PDE8A: variants seen among roughly 807,000 people sequenced by gnomAD.
PDE8A encodes phosphodiesterase 8A, also known as high affinity cAMP-specific and IBMX-insensitive 3',5'-cyclic phosphodiesterase 8A.
In PDE8A, 59 loss-of-function variants were observed where a neutral mutation model predicts 105.0. The ratio of observed to expected loss-of-function variants is 0.56; its 90% CI spans 0.46 to 0.70. PDE8A has a LOEUF of 0.70. Among genes scored for constraint, PDE8A ranks in the 30% least tolerant of loss-of-function variants. PDE8A has a pLI of 0.00. For missense variants in PDE8A, 1,014 were observed against 1,045.9 expected (o/e 0.97, Z 0.42); for synonymous variants, 355 against 371.9 (o/e 0.95, Z 0.52).
At chr15:85,126,634 C>T (rs1461666976) in intron 20 of PDE8A, among the ~76,000 whole-genome samples, 1 of 151,604 alleles carries the variant, frequency 6.6e-6, no homozygotes, top group Non-Finnish European at 1.5e-5. Flanking sequence ...TTTAAGGAGT[C>T]ATCTGGTCTT....
intron 15 of PDE8A, 30 bp downstream of exon 15, chr15:85,115,517 CA>C (rs763989994): frequency 2.5e-6 from 3 of 1,201,700 alleles, no homozygotes; most frequent in Non-Finnish European, 1.2e-6. Context: ...TTTCTTAGAT[CA>C]CTGTCTATAA....
In PDE8A at chr15:84,987,423, G is replaced by C. The variant is rs1218974687; in HGVS notation, c.186+5075G>C. Among the ~76,000 whole-genome samples the C allele has an allele frequency of 2.1e-5, 3 of 144,756 alleles. No homozygotes were observed. In the East Asian group the frequency reaches 6.2e-4, roughly 30 times the overall value. 95.0% of individuals were successfully genotyped at this position (144,756 alleles called of 152,430 possible). A position where few individuals can be genotyped will look rare whatever the true frequency, so the allele number is the denominator to read the frequency against. ...AAATGTTTCCTGTGAAGTGGCTTAT[G>C]ACTGGTTTTCCCTTGGATAGCTTAC... On this transcript the variant is annotated intron_variant, in intron 1 of 21. Coordinates refer to ENST00000394553, the MANE Select transcript of PDE8A (RefSeq NM_002605.3).
intron 5 of PDE8A, 88 bp downstream of exon 5, chr15:85,076,875 T>A: frequency 1.1e-6 from 1 of 918,768 alleles, no homozygotes; most frequent in Non-Finnish European, 1.8e-6. Context: ...AGCTTTGTAT[T>A]AATTTGAAGA....
At chr15:85,011,884 G>A (rs1286272549) in intron 1 of PDE8A, among the ~76,000 whole-genome samples, 19 of 152,146 alleles carry the variant, frequency 1.2e-4, no homozygotes, top group South Asian at 4.2e-4. Context: ...AAAAGTGGGC[G>A]AAGGACATGA....
intron 1 of PDE8A, among the ~76,000 whole-genome samples, chr15:85,003,480 C>G (rs567108947): frequency 9.2e-5 from 14 of 152,292 alleles, no homozygotes; most frequent in African/African-American, 3.4e-4. Flanking sequence ...AGGATAGTTG[C>G]AATGAGGGGG....
chr15:85,009,110 A>AGAGTGTGT (rs1246239884), intron 1 of PDE8A, among the ~76,000 whole-genome samples: 7 of 64,202 alleles, frequency 1.1e-4, no homozygotes, highest in African/African-American at 3.2e-4. Flanking sequence ...AGAGAGAGAG[A>AGAGTGTGT]GTGTGTGTGT....
chr15:85,098,655 A>G (rs951177723), intron 9 of PDE8A, among the ~76,000 whole-genome samples: 1 of 152,188 alleles, frequency 6.6e-6, no homozygotes, highest in South Asian at 2.1e-4. Context: ...ATGAGGGCCA[A>G]AAAAAGTAGA....
At position 85,062,470 on chromosome 15, in the gene PDE8A, G is replaced by A. The variant is rs2081161769; in HGVS notation, c.187-1900G>A. 9 of 152,350 alleles carry A rather than the reference G, an allele frequency of 5.9e-5. No homozygotes were observed. In the South Asian group the frequency reaches 1.7e-3, roughly 28 times the overall value. 9.4% of individuals were successfully genotyped at this position (152,350 alleles called of 1,614,324 possible). A position where few individuals can be genotyped will look rare whatever the true frequency, so the allele number is the denominator to read the frequency against. On this transcript the variant is annotated intron_variant, in intron 1 of 21. Transcript: ENST00000394553. ...ATAAAAGAGAAAAATGAAAGGAGAG[G>A]AAGGGCACTAGCCCTTTAAATCTCC...
At chr15:85,076,000 A>G (rs1252736065) in intron 4 of PDE8A, 82 bp downstream of exon 4, 4 of 755,140 alleles carry the variant, frequency 5.3e-6, no homozygotes, top group East Asian at 2.6e-5. Context: ...AACAGCTTGC[A>G]TGCTGTGTCA....
At chr15:85,040,757 C>T (rs1038366864) in intron 1 of PDE8A, among the ~76,000 whole-genome samples, 1 of 151,926 alleles carries the variant, frequency 6.6e-6, no homozygotes, top group African/African-American at 2.4e-5. Flanking sequence ...GACAGGGTTT[C>T]ACCGTGTTAG....
intron 1 of PDE8A, among the ~76,000 whole-genome samples, chr15:84,998,854 T>C (rs576290703): frequency 7.2e-5 from 11 of 152,290 alleles, no homozygotes; most frequent in Middle Eastern, 3.4e-3. Context: ...GCCAGCAGTA[T>C]TTTCAAAAGG....
intron 17 of PDE8A, 142 bp downstream of exon 17, chr15:85,117,981 G>T: frequency 2.8e-6 from 2 of 713,632 alleles, no homozygotes; most frequent in South Asian, 3.2e-5. Context: ...GAGGAATCAG[G>T]CAGGAGGCCA....
chr15:85,033,411 C>T (rs769625788), intron 1 of PDE8A, among the ~76,000 whole-genome samples: 3 of 152,134 alleles, frequency 2.0e-5, no homozygotes, highest in Non-Finnish European at 4.4e-5. Flanking sequence ...CTGTGAACAG[C>T]TCCACAGCTG....
chr15:84,982,430 G>C (rs1186592633), intron 1 of PDE8A, 82 bp downstream of exon 1: 6 of 909,636 alleles, frequency 6.6e-6, no homozygotes, highest in Admixed American at 4.3e-5. Context: ...GCCGGGCGGG[G>C]TCCCCCCCAC....
At position 85,043,821 on chromosome 15, in the gene PDE8A, C is replaced by T. The variant is rs1156946167; in HGVS notation, c.187-20549C>T. 3.3e-5 allele frequency among the ~76,000 whole-genome samples: 5 copies of T among 152,160 alleles called. No homozygotes were observed. The East Asian group carries it at 9.6e-4, about 29-fold the overall frequency. On this transcript the variant is annotated intron_variant, in intron 1 of 21. Transcript: ENST00000394553. ...CAGGTGATTCTCCTGCCTCAGCCTCCTGAGTAGCTGGGACTACAGGTGCCC... is the reference window on the plus strand; with the variant it reads ...CAGGTGATTCTCCTGCCTCAGCCTCTTGAGTAGCTGGGACTACAGGTGCCC...
rs2079724322 is a variant in PDE8A, at chr15:84,982,240, G to A, written c.78G>A (p.Leu26=). The part of the protein sequence containing the change: ...EDAPSPAAPP[L]SSGGPRLPQG... ...CGCCTAGCCCCGCGGCACCGCCGCTGTCGTCCGGCGGGCCGCGCCTCCCGC... is the reference window on the plus strand; with the variant it reads ...CGCCTAGCCCCGCGGCACCGCCGCTATCGTCCGGCGGGCCGCGCCTCCCGC... The change falls in exon 1 of 22, where the codon CTG becomes CTA. Residue 26 remains leucine (L), a synonymous_variant. Transcript: ENST00000394553. 6.8e-7 allele frequency: 1 copy of A among 1,465,270 alleles called. No individual in the cohort carries two copies. The highest frequency in any genetic ancestry group is 8.9e-7 in the Non-Finnish European group (1 of 1,117,504). The allele number at this position is 1,465,270 out of a possible 1,614,324, so 90.8% of individuals were successfully genotyped here. A position where few individuals can be genotyped will look rare whatever the true frequency, so the allele number is the denominator to read the frequency against.
At chr15:85,096,305 A>G (rs191348262) in intron 8 of PDE8A, among the ~76,000 whole-genome samples, 92 of 151,658 alleles carry the variant, frequency 6.1e-4, no homozygotes, top group Non-Finnish European at 6.3e-4. Context: ...AAAGTATACT[A>G]TTTGATAGCT....
chr15:85,052,996 C>A (rs896955130), intron 1 of PDE8A, among the ~76,000 whole-genome samples: 1 of 150,632 alleles, frequency 6.6e-6, no homozygotes, highest in Non-Finnish European at 1.5e-5. Flanking sequence ...TGAATTTTTG[C>A]GTAAGGTGTA....
chr15:85,112,043 T>G lies in PDE8A; in HGVS notation c.1115-1334T>G, dbSNP rs530906010. ...GACTTTGTATATCTAGGAGCTTGGGTAAACTTACTCACTGTAAAAGAAGAG... is the reference window on the plus strand; with the variant it reads ...GACTTTGTATATCTAGGAGCTTGGGGAAACTTACTCACTGTAAAAGAAGAG... On this transcript the variant is annotated intron_variant, in intron 12 of 21. Coordinates refer to ENST00000394553, the MANE Select transcript of PDE8A (RefSeq NM_002605.3). Among the ~76,000 whole-genome samples the G allele has an allele frequency of 2.5e-4, 38 of 150,186 alleles. No individual in the cohort carries two copies. The East Asian group carries it at 7.4e-3, about 29-fold the overall frequency.
Sources: gnomAD v4.1 joint callset for allele counts (sites outside exome capture counted in the v4.1 genomes callset) on GRCh38, gnomAD v4.1.1 for gene constraint, MANE v1.5 for transcripts, NCBI Gene and HGNC (gene_info 2026-07-23, HGNC 2026-07-21) for gene names.